Variants in EPB41L2 observed in about 807,000 individuals in gnomAD.
EPB41L2 encodes the protein erythrocyte membrane protein band 4.1 like 2, also known as band 4.1-like protein 2.
A neutral mutation model predicts 113.0 loss-of-function variants in EPB41L2; 43 were observed. The observed-to-expected ratio is 0.38, with a 90% CI of 0.30 to 0.49. EPB41L2 has a LOEUF of 0.49. Among genes scored for constraint, EPB41L2 ranks in the 20% least tolerant of loss-of-function variants. EPB41L2 has a pLI of 0.95. For missense variants in EPB41L2, 1,147 were observed against 1,223.4 expected (o/e 0.94, Z 0.93); for synonymous variants, 442 against 436.7 (o/e 1.01, Z -0.15).
chr6:131,054,719 A>G (rs1457491686), intron 1 of EPB41L2, among the ~76,000 whole-genome samples: 2 of 152,262 alleles, frequency 1.3e-5, no homozygotes, highest in Non-Finnish European at 2.9e-5. Context: ...AGGGACAAAC[A>G]TGGAAATAAC....
chr6:130,853,274 A>G (rs1779280360), intron 19 of EPB41L2, among the ~76,000 whole-genome samples: 1 of 152,170 alleles, frequency 6.6e-6, no homozygotes, highest in African/African-American at 2.4e-5. Context: ...GACATCAATT[A>G]TTACTCTAAG....
At chr6:130,842,562 A>G (rs1375070884) in intron 19 of EPB41L2, among the ~76,000 whole-genome samples, 2 of 152,170 alleles carry the variant, frequency 1.3e-5, no homozygotes, top group East Asian at 1.9e-4. Context: ...CCCTGATGCT[A>G]TCAGGGCCTG....
At chr6:130,894,868 T>C in intron 9 of EPB41L2, 99 bp downstream of exon 9, 1 of 1,265,514 alleles carries the variant, frequency 7.9e-7, no homozygotes, top group Non-Finnish European at 1.1e-6. Context: ...ATAAATAGTT[T>C]ATTTTCTTAA....
At chr6:131,011,994 C>G (rs1305619968) in intron 1 of EPB41L2, among the ~76,000 whole-genome samples, 1 of 152,178 alleles carries the variant, frequency 6.6e-6, no homozygotes, top group Non-Finnish European at 1.5e-5. Flanking sequence ...CACTTGAGGT[C>G]AGGAGTTCAA....
intron 1 of EPB41L2, among the ~76,000 whole-genome samples, chr6:130,962,179 C>T (rs1221225041): frequency 6.6e-6 from 1 of 151,970 alleles, no homozygotes; most frequent in Non-Finnish European, 1.5e-5. Context: ...AGAAATGATT[C>T]AGCAGCCACC....
intron 4 of EPB41L2, among the ~76,000 whole-genome samples, chr6:130,923,769 G>A (rs1204806297): frequency 6.6e-6 from 1 of 152,208 alleles, no homozygotes; most frequent in South Asian, 2.1e-4. Context: ...ACCGTTTACG[G>A]TTAGAGCCTC....
In EPB41L2 at chr6:130,865,518, T is replaced by TC; in HGVS notation, c.2829+17dup. 3 of 1,609,790 alleles carry TC rather than the reference T, an allele frequency of 1.9e-6. No homozygotes were observed. Among genetic ancestry groups the TC allele is most frequent in the Non-Finnish European group, 2.6e-6 (3 of 1,176,204 alleles). ...GTAATGTACCATCCTCTCCATATGA[T>TC]CCCCTGCATTGCTTTACCTTGGTGA... On this transcript the variant is annotated intron_variant, in intron 17 of 19. Transcript: ENST00000337057.
chr6:131,034,428 T>A (rs1386795646), intron 1 of EPB41L2, among the ~76,000 whole-genome samples: 1 of 152,122 alleles, frequency 6.6e-6, no homozygotes, highest in African/African-American at 2.4e-5. Flanking sequence ...GGCAGCATGG[T>A]GAAACCTCGT....
chr6:130,995,479 T>G (rs1451250885), intron 1 of EPB41L2, among the ~76,000 whole-genome samples: 1 of 152,198 alleles, frequency 6.6e-6, no homozygotes, highest in Admixed American at 6.5e-5. Context: ...CCAGCCTGGG[T>G]GACAGAGTGA....
intron 4 of EPB41L2, among the ~76,000 whole-genome samples, chr6:130,912,737 G>C (rs1186695954): frequency 6.6e-6 from 1 of 151,982 alleles, no homozygotes; most frequent in African/African-American, 2.4e-5. Context: ...GGCCAGCCTC[G>C]ATAAGTGCAC....
chr6:130,947,907 G>T (rs1306470435), intron 3 of EPB41L2, among the ~76,000 whole-genome samples: 1 of 152,230 alleles, frequency 6.6e-6, no homozygotes, highest in Non-Finnish European at 1.5e-5. Context: ...TTAGGATATT[G>T]ATGAATTATG....
intron 1 of EPB41L2, among the ~76,000 whole-genome samples, chr6:131,008,844 A>G (rs571305637): frequency 6.6e-6 from 1 of 152,290 alleles, no homozygotes; most frequent in East Asian, 1.9e-4. Flanking sequence ...TCCCGTTTGG[A>G]ATGGTAAATA....
intron 1 of EPB41L2, among the ~76,000 whole-genome samples, chr6:131,005,885 A>T (rs1340790107): frequency 6.6e-6 from 1 of 152,170 alleles, no homozygotes; most frequent in Non-Finnish European, 1.5e-5. Context: ...CTCAAGGCTA[A>T]GCTTGGGGAG....
intron 1 of EPB41L2, among the ~76,000 whole-genome samples, chr6:130,998,228 A>G (rs1369066871): frequency 6.6e-6 from 1 of 152,222 alleles, no homozygotes. Flanking sequence ...TGAGACTTTG[A>G]CTTTCTTTCC....
chr6:130,886,654 GAC>G (rs1791093395), intron 11 of EPB41L2, among the ~76,000 whole-genome samples: 1 of 144,896 alleles, frequency 6.9e-6, no homozygotes, highest in Non-Finnish European at 1.5e-5. Context: ...TTGTTTTTGA[GAC>G]ACAGTCTCGC....
chr6:130,908,952 A>T, intron 4 of EPB41L2, 89 bp from the exon 5 acceptor site: 1 of 1,050,116 alleles, frequency 9.5e-7, no homozygotes, highest in South Asian at 1.6e-5. Flanking sequence ...TTAAGTGTAA[A>T]CACATTTTAA....
intron 3 of EPB41L2, among the ~76,000 whole-genome samples, chr6:130,934,805 T>A (rs936245469): frequency 1.3e-5 from 2 of 151,708 alleles, no homozygotes; most frequent in African/African-American, 4.8e-5. Context: ...TCTTTTTTTT[T>A]TTTTTTTGTA....
chr6:130,903,727 C>G (rs1796942491), intron 6 of EPB41L2, among the ~76,000 whole-genome samples: 1 of 151,962 alleles, frequency 6.6e-6, no homozygotes, highest in African/African-American at 2.4e-5. Context: ...CTAAGAAATG[C>G]TATCCCTGGT....
chr6:130,876,032 C>G (rs1294105025), intron 14 of EPB41L2, among the ~76,000 whole-genome samples: 1 of 150,912 alleles, frequency 6.6e-6, no homozygotes, highest in Non-Finnish European at 1.5e-5. Flanking sequence ...TTCTAATTAA[C>G]TATTTCCATG....
Sources: gnomAD v4.1 joint callset for allele counts (sites outside exome capture counted in the v4.1 genomes callset) on GRCh38, gnomAD v4.1.1 for gene constraint, MANE v1.5 for transcripts, NCBI Gene and HGNC (gene_info 2026-07-23, HGNC 2026-07-21) for gene names.